The following STK39 variants were observed in gnomAD, a reference collection of about 807,000 sequenced individuals.
The protein encoded by STK39 is serine/threonine kinase 39.
In STK39, 20 loss-of-function variants were observed where a neutral mutation model predicts 77.8. The observed-to-expected ratio is 0.26, with a 90% CI of 0.18 to 0.37. The LOEUF (loss-of-function observed/expected upper bound fraction) is 0.37. Ranked by LOEUF, STK39 falls within the 10% of genes least tolerant of loss-of-function variation. The probability of loss-of-function intolerance (pLI) is 1.00; values close to 1 mark genes in which losing one functional copy is unlikely to be tolerated. For missense variants in STK39, 479 were observed against 656.5 expected (o/e 0.73, Z 2.95); for synonymous variants, 246 against 234.1 (o/e 1.05, Z -0.47).
intron 10 of STK39, among the ~76,000 whole-genome samples, chr2:168,118,635 T>TTCACCAAATGAATTGAAAGTAAC (rs1687322191): frequency 7.0e-6 from 1 of 143,446 alleles, no homozygotes; most frequent in Non-Finnish European, 1.5e-5. Context: ...AACAACTCAA[T>TTCACCAAATGAATTGAAAGTAAC]TCACCAAATG....
At chr2:167,992,864 A>G (rs1055550093) in intron 16 of STK39, among the ~76,000 whole-genome samples, 9 of 152,242 alleles carry the variant, frequency 5.9e-5, no homozygotes, top group Non-Finnish European at 1.2e-4. Flanking sequence ...GTCTATTAAA[A>G]ATAAACACAT....
At chr2:168,056,251 G>A (rs1034810236) in intron 14 of STK39, among the ~76,000 whole-genome samples, 5 of 150,528 alleles carry the variant, frequency 3.3e-5, no homozygotes, top group East Asian at 2.0e-4. Context: ...TAGCCACAAC[G>A]TATTTGTCTT....
intron 14 of STK39, among the ~76,000 whole-genome samples, chr2:168,060,614 TGTTCACTGAAAATAA>T (rs1685640727): frequency 6.6e-6 from 1 of 152,322 alleles, no homozygotes; most frequent in African/African-American, 2.4e-5. Context: ...TATCAACAAG[TGTTCACTGAAAATAA>T]GTCATACTAA....
chr2:168,210,637 A>G (rs1196436065), intron 1 of STK39, among the ~76,000 whole-genome samples: 2 of 152,190 alleles, frequency 1.3e-5, no homozygotes, highest in African/African-American at 4.8e-5. Context: ...CTCCTGCCTC[A>G]GCCTCCCTAG....
intron 1 of STK39, among the ~76,000 whole-genome samples, chr2:168,221,442 T>G (rs1246265727): frequency 6.6e-6 from 1 of 152,204 alleles, no homozygotes; most frequent in African/African-American, 2.4e-5. Flanking sequence ...AAACTTTTTA[T>G]GAACAAAATG....
At chr2:168,097,941 T>C (rs1686714791) in intron 10 of STK39, among the ~76,000 whole-genome samples, 2 of 152,220 alleles carry the variant, frequency 1.3e-5, no homozygotes, top group Admixed American at 1.3e-4. Context: ...GCCACACAAA[T>C]TGGTATTACA....
chr2:168,138,175 CCT>C lies in STK39; in HGVS notation c.885_886del (p.Val297ArgfsTer3), dbSNP rs775964865. ...TTTCATCATTTCTTTATCCTCTACC[CCT>C]GTTTCCAAAGTGGGTGGATCATTTT... On this transcript the variant is annotated frameshift_variant, in exon 8 of 18. Coordinates refer to ENST00000355999, the MANE Select transcript of STK39 (RefSeq NM_013233.3). LOFTEE classifies it high-confidence loss of function. The C allele has an allele frequency of 8.7e-6, 14 of 1,613,696 alleles. No individual in the cohort carries two copies. The highest frequency in any genetic ancestry group is 2.7e-5 in the African/African-American group (2 of 74,916).
chr2:168,155,693 T>C (rs939406030), intron 5 of STK39, among the ~76,000 whole-genome samples: 8 of 152,204 alleles, frequency 5.3e-5, no homozygotes, highest in East Asian at 1.9e-4. Context: ...GCTAGGGCAG[T>C]GCTTGTCCAA....
chr2:167,986,231 T>C (rs560087669), intron 16 of STK39, among the ~76,000 whole-genome samples: 1 of 152,310 alleles, frequency 6.6e-6, no homozygotes, highest in Admixed American at 6.5e-5. Flanking sequence ...TTGCTTACTG[T>C]TATCAGAAAT....
At chr2:168,069,075 C>T (rs1685872461) in intron 12 of STK39, among the ~76,000 whole-genome samples, 1 of 152,136 alleles carries the variant, frequency 6.6e-6, no homozygotes, top group Non-Finnish European at 1.5e-5. Context: ...CACCACCATG[C>T]TCGGCTAATT....
intron 15 of STK39, among the ~76,000 whole-genome samples, chr2:168,014,489 T>TA (rs568276094): frequency 1.4e-3 from 210 of 145,884 alleles, no homozygotes; most frequent in African/African-American, 3.6e-3. Flanking sequence ...AAGAAAAAAA[T>TA]AAAAAAAAAA....
At chr2:168,117,441 A>T (rs780143792) in intron 10 of STK39, among the ~76,000 whole-genome samples, 1 of 152,214 alleles carries the variant, frequency 6.6e-6, no homozygotes, top group Non-Finnish European at 1.5e-5. Flanking sequence ...CAGAGATAAA[A>T]GGACACCATC....
chr2:168,056,243 G>C (rs1184228496), intron 14 of STK39, among the ~76,000 whole-genome samples: 2 of 151,746 alleles, frequency 1.3e-5, no homozygotes, highest in Admixed American at 6.6e-5. Context: ...ACTACCTGTA[G>C]CCACAACGTA....
At chr2:168,156,046 T>A (rs994505368) in intron 5 of STK39, among the ~76,000 whole-genome samples, 1 of 152,018 alleles carries the variant, frequency 6.6e-6, no homozygotes, top group African/African-American at 2.4e-5. Flanking sequence ...GAAGGGAAGA[T>A]GGGAAAGTAA....
intron 10 of STK39, among the ~76,000 whole-genome samples, chr2:168,076,299 A>G (rs755061616): frequency 6.6e-6 from 1 of 152,170 alleles, no homozygotes; most frequent in East Asian, 1.9e-4. Flanking sequence ...CTCCCACTCA[A>G]ATGTGACTCT....
At chr2:168,045,252 G>A (rs1685208814) in intron 14 of STK39, among the ~76,000 whole-genome samples, 1 of 152,028 alleles carries the variant, frequency 6.6e-6, no homozygotes, top group African/African-American at 2.4e-5. Context: ...CCCACACCCT[G>A]GGTGTTTCCT....
chr2:167,983,013 C>T (rs1383299925), intron 16 of STK39, among the ~76,000 whole-genome samples: 1 of 152,170 alleles, frequency 6.6e-6, no homozygotes, highest in Admixed American at 6.5e-5. Context: ...ATATTGAGCG[C>T]AGTGTCTAGC....
chr2:168,073,625 A>C (rs1685999688), intron 12 of STK39, among the ~76,000 whole-genome samples: 3 of 151,616 alleles, frequency 2.0e-5, no homozygotes, highest in African/African-American at 7.3e-5. Flanking sequence ...TCTCTGATCA[A>C]AGCTTATATA....
At chr2:168,163,973 A>T in intron 3 of STK39, 93 bp from the exon 4 acceptor site, 1 of 1,475,898 alleles carries the variant, frequency 6.8e-7, no homozygotes, top group Non-Finnish European at 9.1e-7. Context: ...TAGAAACATC[A>T]AAATATGGGC....
Sources: gnomAD v4.1 joint callset for allele counts (sites outside exome capture counted in the v4.1 genomes callset) on GRCh38, gnomAD v4.1.1 for gene constraint, MANE v1.5 for transcripts, NCBI Gene and HGNC (gene_info 2026-07-23, HGNC 2026-07-21) for gene names.